Variants in LHFPL4 observed in about 807,000 individuals in gnomAD.
LHFPL4 encodes the protein LHFPL tetraspan subfamily member 4, also known as LHFPL tetraspan subfamily member 4 protein.
In LHFPL4, 6 loss-of-function variants were observed where a neutral mutation model predicts 20.0. The observed-to-expected ratio is 0.30, with a 90% CI of 0.16 to 0.59. The LOEUF (loss-of-function observed/expected upper bound fraction) is 0.59. Ranked by LOEUF, LHFPL4 falls within the 20% of genes least tolerant of loss-of-function variation. The pLI, the probability that LHFPL4 is intolerant of heterozygous loss-of-function variation, is 0.88. For synonymous variants in LHFPL4, 129 were observed against 143.8 expected (o/e 0.90, Z 0.74); for missense variants, 215 against 331.2 (o/e 0.65, Z 2.72).
At chr3:9,551,269 A>G (rs1002589368) in intron 2 of LHFPL4, among the ~76,000 whole-genome samples, 1 of 152,108 alleles carries the variant, frequency 6.6e-6, no homozygotes, top group African/African-American at 2.4e-5. Context: ...CATGATAATC[A>G]CATTTCCCCC....
At chr3:9,513,495 C>T (rs1273608244) in intron 2 of LHFPL4, among the ~76,000 whole-genome samples, 1 of 151,980 alleles carries the variant, frequency 6.6e-6, no homozygotes, top group Middle Eastern at 3.2e-3. Context: ...CCATGCTCAG[C>T]TAATTAAAAA....
intron 2 of LHFPL4, among the ~76,000 whole-genome samples, chr3:9,510,215 C>T (rs950907177): frequency 6.6e-6 from 1 of 151,986 alleles, no homozygotes; most frequent in African/African-American, 2.4e-5. Flanking sequence ...CTTTGGGAGG[C>T]CGAGGTGGGA....
intron 2 of LHFPL4, among the ~76,000 whole-genome samples, chr3:9,541,495 G>C (rs188658287): frequency 1.1e-4 from 16 of 152,284 alleles, no homozygotes; most frequent in Non-Finnish European, 1.8e-4. Flanking sequence ...TCAAAGGCTG[G>C]GCACCATGGC....
At chr3:9,541,369 G>C (rs1236497046) in intron 2 of LHFPL4, among the ~76,000 whole-genome samples, 1 of 152,226 alleles carries the variant, frequency 6.6e-6, no homozygotes, top group Non-Finnish European at 1.5e-5. Flanking sequence ...AAGGGTACCA[G>C]AACCATTCAG....
At chr3:9,526,264 G>A (rs2046374752) in intron 2 of LHFPL4, among the ~76,000 whole-genome samples, 1 of 152,132 alleles carries the variant, frequency 6.6e-6, no homozygotes, top group Non-Finnish European at 1.5e-5. Context: ...TGGGCACAAA[G>A]TTTCAGTTTT....
intron 2 of LHFPL4, among the ~76,000 whole-genome samples, chr3:9,521,768 ATG>A (rs1472786260): frequency 2.0e-5 from 3 of 151,970 alleles, no homozygotes; most frequent in Non-Finnish European, 4.4e-5. Context: ...TTTAATCAAT[ATG>A]TGTCTTTATA....
At chr3:9,527,909 T>C (rs1221707078) in intron 2 of LHFPL4, among the ~76,000 whole-genome samples, 1 of 151,800 alleles carries the variant, frequency 6.6e-6, no homozygotes, top group Non-Finnish European at 1.5e-5. Context: ...AAAACAAATA[T>C]TGCAATAAAG....
chr3:9,504,688 G>C (rs532169457), intron 3 of LHFPL4, among the ~76,000 whole-genome samples: 3 of 152,128 alleles, frequency 2.0e-5, no homozygotes, highest in East Asian at 1.9e-4. Flanking sequence ...AGCCGGGCGT[G>C]GTGGCGGGTG....
Position 9,533,688 on chromosome 3 carries a change from G to A in LHFPL4, c.406+18586C>T, listed in dbSNP as rs528751370. 1.1e-4 allele frequency among the ~76,000 whole-genome samples: 16 copies of A among 152,160 alleles called. No individual in the cohort carries two copies. In the East Asian group the frequency reaches 1.2e-3, roughly 11 times the overall value. ...TCCCAGCTGCTCAGGAGGCTGAGTC[G>A]GGAGAATGGCATGAACCTGGGAAGC... is the stretch of plus-strand genomic sequence containing the variant. On this transcript the variant is annotated intron_variant, in intron 2 of 3. Coordinates refer to ENST00000287585, the MANE Select transcript of LHFPL4 (RefSeq NM_198560.3).
intron 2 of LHFPL4, among the ~76,000 whole-genome samples, chr3:9,538,058 T>TG (rs2046454105): frequency 6.6e-6 from 1 of 152,186 alleles, no homozygotes; most frequent in African/African-American, 2.4e-5. Flanking sequence ...GTAAGAAACT[T>TG]GGAGTCATTG....
chr3:9,543,924 T>C (rs1230598164), intron 2 of LHFPL4, among the ~76,000 whole-genome samples: 4 of 151,968 alleles, frequency 2.6e-5, no homozygotes, highest in Admixed American at 6.6e-5. Flanking sequence ...GGTTTCACCA[T>C]GTTGCCCAGG....
At position 9,498,983 on chromosome 3, in the gene LHFPL4, C is replaced by G. The variant is rs2046151240; in HGVS notation, c.*3228G>C. 6.6e-6 allele frequency: 1 copy of G among 152,370 alleles called. No homozygotes were observed. Among genetic ancestry groups the G allele is most frequent in the African/African-American group, 2.4e-5 (1 of 41,454 alleles). 9.4% of individuals were successfully genotyped at this position (152,370 alleles called of 1,614,324 possible). A position where few individuals can be genotyped will look rare whatever the true frequency, so the allele number is the denominator to read the frequency against. Reference sequence around the variant, plus strand: ...ACCAGACTGTGGGCCAGGGACTGAACCACCCCTAGGCTGTGGCTGCCGTGG... The same window carrying G: ...ACCAGACTGTGGGCCAGGGACTGAAGCACCCCTAGGCTGTGGCTGCCGTGG... On this transcript the variant is annotated 3_prime_UTR_variant, in exon 4 of 4. Coordinates refer to ENST00000287585, the MANE Select transcript of LHFPL4 (RefSeq NM_198560.3).
At chr3:9,536,205 G>A (rs2125664536) in intron 2 of LHFPL4, among the ~76,000 whole-genome samples, 1 of 152,322 alleles carries the variant, frequency 6.6e-6, no homozygotes, top group South Asian at 2.1e-4. Context: ...CGGGAAGTGG[G>A]TTGGAGATGC....
intron 2 of LHFPL4, among the ~76,000 whole-genome samples, chr3:9,526,315 C>A (rs1378421377): frequency 5.9e-5 from 9 of 152,022 alleles, no homozygotes; most frequent in Admixed American, 3.3e-4. Context: ...GTGGTAATGA[C>A]TGAGCAATAA....
intron 3 of LHFPL4, 127 bp downstream of exon 3, chr3:9,505,840 T>C (rs2046214222): frequency 1.1e-6 from 1 of 909,950 alleles, no homozygotes; most frequent in African/African-American, 1.6e-5. Context: ...ATTATAGGCG[T>C]GAGCCACCAC....
intron 2 of LHFPL4, among the ~76,000 whole-genome samples, chr3:9,522,219 C>T (rs995921904): frequency 2.6e-5 from 4 of 151,610 alleles, no homozygotes; most frequent in African/African-American, 9.7e-5. Flanking sequence ...TGGTCTCGAT[C>T]TCTTGACCTC....
intron 2 of LHFPL4, among the ~76,000 whole-genome samples, chr3:9,533,362 A>G (rs2046422745): frequency 6.6e-6 from 1 of 152,226 alleles, no homozygotes; most frequent in African/African-American, 2.4e-5. Context: ...TACTCCAACA[A>G]AATAGTATAC....
intron 3 of LHFPL4, among the ~76,000 whole-genome samples, chr3:9,503,855 G>A (rs1020357955): frequency 8.6e-5 from 13 of 151,138 alleles, no homozygotes; most frequent in African/African-American, 3.2e-4. Flanking sequence ...GGGAAACCTC[G>A]TCTCTACAAA....
chr3:9,527,414 AT>A, intron 2 of LHFPL4, among the ~76,000 whole-genome samples: 1 of 152,104 alleles, frequency 6.6e-6, no homozygotes, highest in African/African-American at 2.4e-5. Context: ...ACTAAAAAAA[AT>A]AATAATAATA....
Sources: allele counts gnomAD v4.1 joint callset (sites outside exome capture counted in the v4.1 genomes callset), GRCh38; gene constraint gnomAD v4.1.1; transcripts MANE v1.5; gene names NCBI Gene and HGNC (gene_info 2026-07-23, HGNC 2026-07-21).